The following ZDHHC15 variants were observed in gnomAD, a reference collection of about 807,000 sequenced individuals.
ZDHHC15 encodes the protein palmitoyltransferase ZDHHC15.
In ZDHHC15, 19 loss-of-function variants were observed where a neutral mutation model predicts 31.7. The observed-to-expected ratio is 0.60, with a 90% CI of 0.42 to 0.88. The LOEUF is 0.88. ZDHHC15 is among the 40% of genes least tolerant of loss of function. The pLI is 0.00. For synonymous variants in ZDHHC15, 103 were observed against 90.0 expected (o/e 1.14, Z -0.82); for missense variants, 209 against 251.2 (o/e 0.83, Z 1.14).
chrX:75,393,262 C>T (rs753500649), intron 10 of ZDHHC15, among the ~76,000 whole-genome samples: 1 of 111,162 alleles, frequency 9.0e-6, no homozygotes, highest in Non-Finnish European at 1.9e-5. Context: ...TTAATGGAAT[C>T]CTTGTTGTGT....
At chrX:75,482,259 C>T (rs1029922975) in intron 2 of ZDHHC15, among the ~76,000 whole-genome samples, 6 of 111,055 alleles carry the variant, frequency 5.4e-5, no homozygotes, top group African/African-American at 2.0e-4. Context: ...GCACATGTAC[C>T]CCCTGAATCT....
intron 3 of ZDHHC15, among the ~76,000 whole-genome samples, chrX:75,459,870 C>CT (rs1444720925): frequency 8.9e-6 from 1 of 112,314 alleles, no homozygotes; most frequent in African/African-American, 3.2e-5. Context: ...CAGACTGCTG[C>CT]TTTTTTGTTT....
intron 10 of ZDHHC15, among the ~76,000 whole-genome samples, chrX:75,397,055 G>A (rs748386694): frequency 6.3e-5 from 7 of 111,127 alleles, no homozygotes; most frequent in East Asian, 5.6e-4. Context: ...GGCTGGGTGC[G>A]GTGGCTCACA....
chrX:75,425,537 C>T, intron 7 of ZDHHC15, among the ~76,000 whole-genome samples: 1 of 112,401 alleles, frequency 8.9e-6, no homozygotes, highest in East Asian at 2.8e-4. Flanking sequence ...AGTTCTGTAA[C>T]ATGCGCAGCA....
chrX:75,502,382 G>A (rs1002213964), intron 2 of ZDHHC15: 1 of 111,505 alleles, frequency 9.0e-6, no homozygotes. Context: ...GAAAGTAAGG[G>A]CTTAAACAGA....
At chrX:75,455,494 A>G (rs949996921) in intron 3 of ZDHHC15, among the ~76,000 whole-genome samples, 1 of 112,048 alleles carries the variant, frequency 8.9e-6, no homozygotes, top group Non-Finnish European at 1.9e-5. Context: ...AAAGCAATGG[A>G]AACAAAAGCC....
chrX:75,428,929 T>C lies in ZDHHC15; in HGVS notation c.603+149A>G, dbSNP rs1227597995. 7.7e-6 allele frequency: 6 copies of C among 782,784 alleles called. No homozygotes were observed. In the African/African-American group the frequency reaches 1.3e-4, roughly 17 times the overall value. 64.5% of individuals were successfully genotyped at this position (782,784 alleles called of 1,213,427 possible). A position where few individuals can be genotyped will look rare whatever the true frequency, so the allele number is the denominator to read the frequency against. ...TTCCGAAATCTCAGAGTATTCAATA[T>C]GGAAAACCTGTTTTTAGTGCCTTCT... On this transcript the variant is annotated intron_variant, in intron 7 of 11. Transcript: ENST00000373367.
At position 75,372,054 on chromosome X, in the gene ZDHHC15, C is replaced by A. The variant is rs1035263436; in HGVS notation, c.*924G>T. 2 of 111,795 alleles carry A rather than the reference C, an allele frequency of 1.8e-5. No homozygotes were observed. The highest frequency in any genetic ancestry group is 6.5e-5 in the African/African-American group (2 of 30,795). The allele number at this position is 111,795 out of a possible 1,213,427, so 9.2% of individuals were successfully genotyped here. A position where few individuals can be genotyped will look rare whatever the true frequency, so the allele number is the denominator to read the frequency against. On this transcript the variant is annotated 3_prime_UTR_variant, in exon 12 of 12. Transcript: ENST00000373367. ...AGTGAAATTAAACCTGAAAATCACT[C>A]TGAAAACCCTTAACAAAACCTATGG...
In ZDHHC15 at chrX:75,437,391, T is replaced by G. The variant is rs1168742859; in HGVS notation, c.380-5871A>C. On this transcript the variant is annotated intron_variant, in intron 4 of 11. Coordinates refer to ENST00000373367, the MANE Select transcript of ZDHHC15 (RefSeq NM_144969.3). Reference sequence around the variant, plus strand: ...ATGCTGGTGTGCTGCACCCACTAACTCGTCATCTAGCATTAGGTATATCTC... The same window carrying G: ...ATGCTGGTGTGCTGCACCCACTAACGCGTCATCTAGCATTAGGTATATCTC... 2.2e-3 allele frequency among the ~76,000 whole-genome samples: 207 copies of G among 94,344 alleles called. 3 individuals are homozygous for G. The highest frequency in any genetic ancestry group is 3.7e-3 in the Non-Finnish European group (175 of 47,694). The allele number at this position is 94,344 out of a possible 115,157, so 81.9% of individuals were successfully genotyped here.
intron 4 of ZDHHC15, among the ~76,000 whole-genome samples, chrX:75,444,146 T>C (rs2083989372): frequency 9.0e-6 from 1 of 111,243 alleles, no homozygotes; most frequent in Non-Finnish European, 1.9e-5. Context: ...ATAAAACATG[T>C]TGCTATAAAG....
At chrX:75,419,220 C>T (rs1434360639) in intron 9 of ZDHHC15, among the ~76,000 whole-genome samples, 2 of 111,518 alleles carry the variant, frequency 1.8e-5, no homozygotes, top group African/African-American at 6.5e-5. Context: ...GGCTAATATC[C>T]AGAATCTACA....
chrX:75,481,244 A>T (rs2084684706), intron 2 of ZDHHC15, among the ~76,000 whole-genome samples: 2 of 111,737 alleles, frequency 1.8e-5, no homozygotes, highest in African/African-American at 6.5e-5. Flanking sequence ...TTTTAAAGAG[A>T]TCAGGAGAAA....
chrX:75,427,537 T>C (rs2083729063), intron 7 of ZDHHC15, among the ~76,000 whole-genome samples: 1 of 111,469 alleles, frequency 9.0e-6, no homozygotes, highest in South Asian at 3.7e-4. Context: ...TCCTAAACAG[T>C]AGCCTACTGT....
At chrX:75,374,243 C>T (rs1192393839) in intron 11 of ZDHHC15, among the ~76,000 whole-genome samples, 1 of 109,365 alleles carries the variant, frequency 9.1e-6, no homozygotes, top group Non-Finnish European at 1.9e-5. Flanking sequence ...GGCTGGAGGG[C>T]TAGGTTTGGG....
intron 3 of ZDHHC15, among the ~76,000 whole-genome samples, chrX:75,470,331 C>T (rs1036341824): frequency 9.0e-6 from 1 of 111,701 alleles, no homozygotes; most frequent in Non-Finnish European, 1.9e-5. Context: ...CCTTGCTCCT[C>T]AGCTTGCAGA....
intron 10 of ZDHHC15, among the ~76,000 whole-genome samples, chrX:75,381,329 C>T (rs2083112429): frequency 9.0e-6 from 1 of 111,253 alleles, no homozygotes. Context: ...CTTATTGATT[C>T]TTCTTTACCT....
At chrX:75,455,839 C>A (rs917298636) in intron 3 of ZDHHC15, among the ~76,000 whole-genome samples, 1 of 110,955 alleles carries the variant, frequency 9.0e-6, no homozygotes, top group Non-Finnish European at 1.9e-5. Context: ...GTTAGAATGG[C>A]GATCATAGAA....
intron 8 of ZDHHC15, among the ~76,000 whole-genome samples, chrX:75,423,348 T>C (rs765050581): frequency 2.8e-5 from 3 of 107,565 alleles, no homozygotes; most frequent in Non-Finnish European, 5.7e-5. Flanking sequence ...CCTCCTCCCA[T>C]ACTCCTTCCT....
chrX:75,469,429 C>G (rs1395200913), intron 3 of ZDHHC15, among the ~76,000 whole-genome samples: 2 of 111,609 alleles, frequency 1.8e-5, no homozygotes, highest in Admixed American at 9.5e-5. Context: ...AAAGACCATT[C>G]TACTTTTTCT....
Sources: gnomAD v4.1 joint callset for allele counts (sites outside exome capture counted in the v4.1 genomes callset) on GRCh38, gnomAD v4.1.1 for gene constraint, MANE v1.5 for transcripts, NCBI Gene and HGNC (gene_info 2026-07-23, HGNC 2026-07-21) for gene names.